The following B4GALNT4 variants were observed in gnomAD, a reference collection of about 807,000 sequenced individuals.
The protein encoded by B4GALNT4 is beta-1,4-N-acetyl-galactosaminyltransferase 4.
A neutral mutation model predicts 110.0 loss-of-function variants in B4GALNT4; 77 were observed. The ratio of observed to expected loss-of-function variants is 0.70; its 90% CI spans 0.58 to 0.85. The LOEUF (loss-of-function observed/expected upper bound fraction) is 0.85. Among genes scored for constraint, B4GALNT4 ranks in the 40% least tolerant of loss-of-function variants. The pLI, the probability that B4GALNT4 is intolerant of heterozygous loss-of-function variation, is 0.00. For missense variants in B4GALNT4, 1,575 were observed against 1,506.0 expected (o/e 1.05, Z -0.76); for synonymous variants, 785 against 655.5 (o/e 1.20, Z -3.02).
chr11:381,972 C>T lies in B4GALNT4; in HGVS notation c.*180C>T, dbSNP rs566880505. 67 of 652,128 alleles carry T rather than the reference C, an allele frequency of 1.0e-4. No individual in the cohort carries two copies. The South Asian group carries it at 1.7e-3, about 17-fold the overall frequency. 40.4% of individuals were successfully genotyped at this position (652,128 alleles called of 1,614,324 possible). ...CTCCCCGGAGAGGCAGCCTTCACGG[C>T]GGGTCAGGGCCTGGCCTTGGTCCCC... On this transcript the variant is annotated 3_prime_UTR_variant, in exon 20 of 20. Transcript: ENST00000329962.
Position 369,594 on chromosome 11 carries a change from G to A in B4GALNT4, c.-210G>A, listed in dbSNP as rs1356500427. 7.0e-6 allele frequency among the ~76,000 whole-genome samples: 1 copy of A among 142,580 alleles called. No individual in the cohort carries two copies. Among genetic ancestry groups the A allele is most frequent in the Admixed American group, 6.9e-5 (1 of 14,528 alleles). The allele number at this position is 142,580 out of a possible 152,430, so 93.5% of individuals were successfully genotyped here. A position where few individuals can be genotyped will look rare whatever the true frequency, so the allele number is the denominator to read the frequency against. ...CGGGCGGGGGGCACCGCGAGGAGCC[G>A]CCCCCGCCGCCCACCCCGGGCCCGC... On this transcript the variant is annotated 5_prime_UTR_variant, in exon 1 of 20. Coordinates refer to ENST00000329962, the MANE Select transcript of B4GALNT4 (RefSeq NM_178537.5).
chr11:373,254 G>A lies in B4GALNT4; in HGVS notation c.599G>A (p.Ser200Asn). 6.2e-7 allele frequency: 1 copy of A among 1,611,840 alleles called. No individual in the cohort carries two copies. Among genetic ancestry groups the A allele is most frequent in the Non-Finnish European group, 8.5e-7 (1 of 1,179,282 alleles). ...GAGTTCTGGCTGAGTCTGGACGAGA[G>A]CCCTGCTGCTGCCCAGCTTGTGGCC... ...NSEFWLSLDE[S>N]PAAAQLVAFV... The change falls in exon 6 of 20, where the codon AGC becomes AAC. Residue 200 changes from serine (S) to asparagine (N), a missense_variant. Coordinates refer to ENST00000329962, the MANE Select transcript of B4GALNT4 (RefSeq NM_178537.5).
Position 376,235 on chromosome 11 carries a change from C to A in B4GALNT4, c.1197-16C>A. ...GGCGGGGCGGGACTCGGCTCTGATGCCCCGCCGCGCCCCAGGTTTGGGTTC... is the reference window on the plus strand; with the variant it reads ...GGCGGGGCGGGACTCGGCTCTGATGACCCGCCGCGCCCCAGGTTTGGGTTC... On this transcript the variant is annotated splice_polypyrimidine_tract_variant and intron_variant, in intron 12 of 19. Transcript: ENST00000329962. 6.2e-7 allele frequency: 1 copy of A among 1,603,800 alleles called. No homozygotes were observed. Among genetic ancestry groups the A allele is most frequent in the Non-Finnish European group, 8.5e-7 (1 of 1,174,572 alleles).
Position 379,663 on chromosome 11 carries a change from C to T in B4GALNT4, c.2450C>T (p.Ala817Val). 1.3e-6 allele frequency: 2 copies of T among 1,503,816 alleles called. No homozygotes were observed. The highest frequency in any genetic ancestry group is 1.3e-5 in the South Asian group (1 of 74,522). 93.2% of individuals were successfully genotyped at this position (1,503,816 alleles called of 1,614,324 possible). The change falls in exon 15 of 20, where the codon GCC becomes GTC. Residue 817 changes from alanine to valine, a missense_variant. By Grantham distance (64) the Ala-to-Val change is moderately conservative (BLOSUM62 0). Transcript: ENST00000329962. ...GAGCTCTGCCGGCCACTGCGCCTGG[C>T]CTGGCGCCAGGACGTGATGGTTCAC... ...RPELCRPLRL[A>V]WRQDVMVHFI...
rs1459286417 is a variant in B4GALNT4 at position 372,145 on chromosome 11, G to C, written c.188G>C (p.Gly63Ala). 1.0e-5 allele frequency: 16 copies of C among 1,549,914 alleles called. No homozygotes were observed. The highest frequency in any genetic ancestry group is 1.4e-5 in the Non-Finnish European group (16 of 1,146,842). The part of the protein sequence containing the change: ...EKLTSETDGR[G>A]VHAAPSTQRA... ...CTGACCAGTGAGACCGACGGCCGGG[G>C]GGTCCACGCTGCGCCATCCACACAG... The change falls in exon 2 of 20, where the codon GGG becomes GCG. Residue 63 changes from glycine to alanine, a missense_variant. Transcript: ENST00000329962.
intron 1 of B4GALNT4, 106 bp downstream of exon 1, chr11:370,060 C>A: frequency 7.2e-6 from 1 of 139,724 alleles, no homozygotes; most frequent in South Asian, 2.3e-4. Context: ...GCGGGGGCCC[C>A]GGGGCGCGGG....
In B4GALNT4 at chr11:375,896, C is replaced by T. The variant is rs2133572036; in HGVS notation, c.1035C>T (p.Ala345=). Residue 345 remains alanine, a synonymous_variant, in exon 11 of 20, where the codon GCC becomes GCT. Coordinates refer to ENST00000329962, the MANE Select transcript of B4GALNT4 (RefSeq NM_178537.5). ...SSLENVLEPC[A]YAPTYVVKDF... is the part of the protein sequence containing the mutation. Reference sequence around the variant, plus strand: ...TGGAGAACGTGCTGGAGCCCTGCGCCTACGCCCCCACCTACGTGGTCAAGG... The same window carrying T: ...TGGAGAACGTGCTGGAGCCCTGCGCTTACGCCCCCACCTACGTGGTCAAGG... 1.2e-6 allele frequency: 2 copies of T among 1,611,952 alleles called. No homozygotes were observed. Among genetic ancestry groups the T allele is most frequent in the Non-Finnish European group, 1.7e-6 (2 of 1,179,566 alleles).
In B4GALNT4 at chr11:376,064, C is replaced by G. The variant is rs12577181; in HGVS notation, c.1096-10C>G. 2.2e-5 allele frequency: 35 copies of G among 1,604,296 alleles called. No homozygotes were observed. In the East Asian group the frequency reaches 2.7e-4, roughly 12 times the overall value. On this transcript the variant is annotated splice_polypyrimidine_tract_variant and intron_variant, in intron 11 of 19. Coordinates refer to ENST00000329962, the MANE Select transcript of B4GALNT4 (RefSeq NM_178537.5). ...CCGCGCCCTGAGCCCTGCGCCCCCC[C>G]ACCCCCCAGGTGTACCTGTCCTTCG...
At position 376,726 on chromosome 11, in the gene B4GALNT4, CG is replaced by C. The variant is rs1846763896; in HGVS notation, c.1606del (p.Ala536HisfsTer90). ...VYVTRVRPGQ[R>X]ASPRAPAPRA... is the part of the protein sequence containing the mutation. ...CGTGACCAGGGTGCGGCCGGGACAGCGGGCATCCCCCCGGGCCCCAGCGCCG... is the reference window on the plus strand; with the variant it reads ...CGTGACCAGGGTGCGGCCGGGACAGCGGCATCCCCCCGGGCCCCAGCGCCG... On this transcript the variant is annotated frameshift_variant, in exon 14 of 20. Coordinates refer to ENST00000329962, the MANE Select transcript of B4GALNT4 (RefSeq NM_178537.5). LOFTEE classifies it high-confidence loss of function. The C allele has an allele frequency of 7.1e-7, 1 of 1,402,786 alleles. No homozygotes were observed. The highest frequency in any genetic ancestry group is 9.2e-7 in the Non-Finnish European group (1 of 1,084,206). 86.9% of individuals were successfully genotyped at this position (1,402,786 alleles called of 1,614,324 possible).
rs761629508 is a variant in B4GALNT4, at chr11:373,178, T to C, written c.536-13T>C. On this transcript the variant is annotated splice_polypyrimidine_tract_variant and intron_variant, in intron 5 of 19. Transcript: ENST00000329962. ...TGAGGCTCCACCCCCCTGAGCCTAG[T>C]CTTGTGGACTAGGAGACGTCCAGTT... 3 of 1,612,222 alleles carry C rather than the reference T, an allele frequency of 1.9e-6. No homozygotes were observed. The highest frequency in any genetic ancestry group is 3.3e-5 in the Admixed American group (2 of 59,988).
At position 379,503 on chromosome 11, in the gene B4GALNT4, C is replaced by A; in HGVS notation, c.2290C>A (p.Gln764Lys). The change falls in exon 15 of 20, where the codon CAG (glutamine) becomes AAG (lysine). Residue 764 changes from glutamine to lysine, a missense_variant. Physicochemically the swap from Gln to Lys is moderately conservative, Grantham distance 53. Transcript: ENST00000329962. ...TCGCTTCCTGCTGGAGCTGGAGCTG[C>A]AGGAGCGCGGGGGCGGCCGCCTGCG... ...GSRFLLELEL[Q>K]ERGGGRLRLS... The A allele has an allele frequency of 6.3e-7, 1 of 1,576,128 alleles. No homozygotes were observed. Among genetic ancestry groups the A allele is most frequent in the Non-Finnish European group, 8.6e-7 (1 of 1,167,290 alleles).
chr11:372,590 G>A, intron 2 of B4GALNT4, 72 bp from the exon 3 acceptor site: 1 of 1,274,730 alleles, frequency 7.8e-7, no homozygotes, highest in Non-Finnish European at 1.1e-6. Flanking sequence ...TCTTTGTGAA[G>A]GTTTGTCTTG....
Position 380,286 on chromosome 11 carries a change from C to T in B4GALNT4, c.2716-6C>T, listed in dbSNP as rs1249946321. The T allele has an allele frequency of 6.2e-7, 1 of 1,612,832 alleles. No homozygotes were observed. Among genetic ancestry groups the T allele is most frequent in the Non-Finnish European group, 8.5e-7 (1 of 1,179,574 alleles). The stretch of plus-strand genomic sequence containing the variant: ...GGGCGGGGCTCAGACCTCCCGCACC[C>T]CCCAGGACGCCAGCAGCATCGTGTT... On this transcript the variant is annotated splice_region_variant and splice_polypyrimidine_tract_variant and intron_variant, in intron 17 of 19. Transcript: ENST00000329962.
At position 372,706 on chromosome 11, in the gene B4GALNT4, G is replaced by A. The variant is rs2119640171; in HGVS notation, c.300G>A (p.Gly100=). The change falls in exon 3 of 20, where the codon GGG becomes GGA. Residue 100 remains glycine (G), a synonymous_variant. Coordinates refer to ENST00000329962, the MANE Select transcript of B4GALNT4 (RefSeq NM_178537.5). ...DLDMLFPGGA[G]RLPLNFTHQT... ...ACATGCTGTTTCCTGGGGGGGCTGG[G>A]AGGCTGCCACTGAACTTCACCCATC... 1 of 1,611,568 alleles carries A rather than the reference G, an allele frequency of 6.2e-7. No individual in the cohort carries two copies. Among genetic ancestry groups the A allele is most frequent in the Non-Finnish European group, 8.5e-7 (1 of 1,179,640 alleles).
intron 14 of B4GALNT4, among the ~76,000 whole-genome samples, chr11:378,121 G>A (rs1224307921): frequency 6.6e-6 from 1 of 151,988 alleles, no homozygotes; most frequent in African/African-American, 2.4e-5. Context: ...GGCCAGGACT[G>A]TTTCTCATGT....
rs1229684203 is a variant in B4GALNT4 at position 380,882 on chromosome 11, G to A, written c.2927G>A (p.Arg976Gln). ...LFGIYKSDFD[R>Q]VGGMNTEEFR... is the part of the protein sequence containing the mutation. Reference sequence around the variant, plus strand: ...GGGATCTACAAGTCGGACTTTGACCGGGTTGGAGGAATGAACACGGAGGAG... The same window carrying A: ...GGGATCTACAAGTCGGACTTTGACCAGGTTGGAGGAATGAACACGGAGGAG... The change falls in exon 19 of 20, where the codon CGG becomes CAG. Residue 976 changes from arginine to glutamine, a missense_variant. Physicochemically the swap from Arg to Gln is conservative, Grantham distance 43. Transcript: ENST00000329962. 9 of 1,613,834 alleles carry A rather than the reference G, an allele frequency of 5.6e-6. No individual in the cohort carries two copies. The highest frequency in any genetic ancestry group is 6.8e-6 in the Non-Finnish European group (8 of 1,179,896).
In B4GALNT4 at chr11:379,633, G is replaced by T; in HGVS notation, c.2420G>T (p.Arg807Leu). The T allele has an allele frequency of 6.6e-7, 1 of 1,513,916 alleles. No homozygotes were observed. The highest frequency in any genetic ancestry group is 1.4e-5 in the African/African-American group (1 of 70,994). 93.8% of individuals were successfully genotyped at this position (1,513,916 alleles called of 1,614,324 possible). A position where few individuals can be genotyped will look rare whatever the true frequency, so the allele number is the denominator to read the frequency against. Reference protein sequence around the residue: ...APAASVRPDGRPELCRPLRLA... With the variant: ...APAASVRPDGLPELCRPLRLA... Reference sequence around the variant, plus strand: ...GCCGCCTCCGTGCGCCCCGACGGCCGCCCCGAGCTCTGCCGGCCACTGCGC... The same window carrying T: ...GCCGCCTCCGTGCGCCCCGACGGCCTCCCCGAGCTCTGCCGGCCACTGCGC... Residue 807 changes from arginine (R) to leucine (L), a missense_variant, in exon 15 of 20, where the codon CGC becomes CTC. Coordinates refer to ENST00000329962, the MANE Select transcript of B4GALNT4 (RefSeq NM_178537.5).
intron 2 of B4GALNT4, 57 bp from the exon 3 acceptor site, chr11:372,605 G>A (rs1023961381): frequency 1.4e-6 from 2 of 1,399,656 alleles, no homozygotes; most frequent in Middle Eastern, 1.8e-4. Flanking sequence ...GTCTTGGTGT[G>A]TGTGACCTCC....
Position 379,852 on chromosome 11 carries a change from CT to C in B4GALNT4, c.2489-10del, listed in dbSNP as rs755747777. ...AGCGTCGGCTCAGCGCCCCCCCCGC[CT>C]TTTCTCCTCCAGTGAAAAACCAGGC... On this transcript the variant is annotated splice_polypyrimidine_tract_variant and intron_variant, in intron 15 of 19. Transcript: ENST00000329962. 1.3e-6 allele frequency: 2 copies of C among 1,581,040 alleles called. No individual in the cohort carries two copies. Among genetic ancestry groups the C allele is most frequent in the Admixed American group, 1.8e-5 (1 of 56,944 alleles).
Sources: allele counts gnomAD v4.1 joint callset (sites outside exome capture counted in the v4.1 genomes callset), GRCh38; gene constraint gnomAD v4.1.1; transcripts MANE v1.5; gene names NCBI Gene and HGNC (gene_info 2026-07-23, HGNC 2026-07-21).